The following FZR1 variants were observed in gnomAD, a reference collection of about 807,000 sequenced individuals.
FZR1 encodes the protein fizzy and cell division cycle 20 related 1.
Under a neutral mutation model 63.6 loss-of-function variants are expected in FZR1, and 11 were observed. That is an observed-to-expected ratio of 0.17 (90% CI 0.11 to 0.29). The LOEUF (loss-of-function observed/expected upper bound fraction) is 0.29. Among genes scored for constraint, FZR1 ranks in the 10% least tolerant of loss-of-function variants. The pLI is 1.00. For missense variants in FZR1, 440 were observed against 687.5 expected, an observed-to-expected ratio of 0.64 and a Z score of 4.03; for synonymous variants, 328 against 297.9, an observed-to-expected ratio of 1.10 and a Z score of -1.04.
chr19:3,532,740 G>C (rs1047805704), intron 11 of FZR1, 90 bp downstream of exon 11: 10 of 898,520 alleles, frequency 1.1e-5, no homozygotes, highest in Non-Finnish European at 1.8e-5. Flanking sequence ...CCTGTGGGGA[G>C]ATGGGTCAGA....
At chr19:3,528,342 T>G (rs959433178) in intron 7 of FZR1, among the ~76,000 whole-genome samples, 2 of 152,262 alleles carry the variant, frequency 1.3e-5, no homozygotes, top group East Asian at 1.9e-4. Flanking sequence ...GCGAGTAGTT[T>G]CGGGAGAGCG....
intron 1 of FZR1, among the ~76,000 whole-genome samples, chr19:3,509,437 G>T (rs1441840036): frequency 6.6e-6 from 1 of 152,138 alleles, no homozygotes; most frequent in Non-Finnish European, 1.5e-5. Flanking sequence ...TTCTTCACTG[G>T]CCCTTCTTTC....
rs755622408 is a variant in FZR1 at position 3,531,815 on chromosome 19, C to T, written c.822C>T (p.Val274=). The T allele has an allele frequency of 2.2e-5, 34 of 1,549,872 alleles. No homozygotes were observed. The highest frequency in any genetic ancestry group is 1.3e-4 in the South Asian group (11 of 84,036). ...LSMLEGHTAR[V]GALAWNAEQL... ...TGTTGGAGGGCCACACGGCACGCGT[C>T]GGTGAGGAGCCCGGGTCCCATGGCT... is the stretch of plus-strand genomic sequence containing the variant. The change falls in exon 9 of 14, where the codon GTC becomes GTT. Residue 274 remains valine (V), a splice_region_variant and synonymous_variant. Transcript: ENST00000441788.
At chr19:3,510,332 AC>A (rs2083015779) in intron 1 of FZR1, among the ~76,000 whole-genome samples, 1 of 151,954 alleles carries the variant, frequency 6.6e-6, no homozygotes, top group Non-Finnish European at 1.5e-5. Context: ...ACGGGGTTTT[AC>A]CATGTTGCTC....
chr19:3,520,565 T>G (rs1599778188), intron 1 of FZR1, among the ~76,000 whole-genome samples: 1 of 152,172 alleles, frequency 6.6e-6, no homozygotes, highest in African/African-American at 2.4e-5. Flanking sequence ...GAAAACCCAC[T>G]ACCACAGGAC....
At position 3,514,730 on chromosome 19, in the gene FZR1, T is replaced by C. The variant is rs977769731; in HGVS notation, c.-34-8226T>C. Among the ~76,000 whole-genome samples, 6 of 152,108 alleles carry C rather than the reference T, an allele frequency of 3.9e-5. No homozygotes were observed. Among genetic ancestry groups the C allele is most frequent in the Non-Finnish European group, 7.4e-5 (5 of 67,996 alleles). On this transcript the variant is annotated intron_variant, in intron 1 of 13. Transcript: ENST00000441788. The surrounding 1 kb of genome is among the most constrained non-coding windows in gnomAD (Gnocchi z 4.2). ...TGTGCTGTCTGCCCCATCGGAGGCT[T>C]ATTCTGGTGTCTGGTGTGAGCAGGG...
At chr19:3,528,141 C>T (rs890992379) in intron 7 of FZR1, among the ~76,000 whole-genome samples, 50 of 152,202 alleles carry the variant, frequency 3.3e-4, no homozygotes, top group African/African-American at 1.2e-3. Context: ...CTGTTCAGCT[C>T]TATAGAGAAG....
At chr19:3,523,973 G>T (rs1401314743) in intron 2 of FZR1, among the ~76,000 whole-genome samples, 1 of 152,254 alleles carries the variant, frequency 6.6e-6, no homozygotes, top group Non-Finnish European at 1.5e-5. Flanking sequence ...GGCAGAGCCA[G>T]GGAGGCAGAT....
At position 3,525,443 on chromosome 19, in the gene FZR1, T is replaced by C. The variant is rs1056775532; in HGVS notation, c.70-425T>C. Among the ~76,000 whole-genome samples the C allele has an allele frequency of 1.5e-5, 2 of 135,202 alleles. No homozygotes were observed. Among genetic ancestry groups the C allele is most frequent in the African/African-American group, 5.6e-5 (2 of 35,760 alleles). 88.7% of individuals were successfully genotyped at this position (135,202 alleles called of 152,430 possible). On this transcript the variant is annotated intron_variant, in intron 2 of 13. Coordinates refer to ENST00000441788, the MANE Select transcript of FZR1 (RefSeq NM_016263.4). This position sits in a 1 kb window ranked among gnomAD's most constrained non-coding sequence, Gnocchi z 4.2. ...CCTCCTTGGGTTTTCTTTTTTTTTT[T>C]TTTTTTTTTTTTTTTTTGAGACGGA...
At chr19:3,527,847 G>A in intron 7 of FZR1, 33 bp downstream of exon 7, 1 of 1,551,080 alleles carries the variant, frequency 6.4e-7, no homozygotes, top group Non-Finnish European at 8.9e-7. Flanking sequence ...ATGTGCATGG[G>A]GGCCTCCCCA....
chr19:3,512,644 G>A (rs1184341957), intron 1 of FZR1, among the ~76,000 whole-genome samples: 3 of 152,330 alleles, frequency 2.0e-5, no homozygotes, highest in African/African-American at 7.2e-5. Context: ...GCAGGGCTGA[G>A]GGCCGCGTGT....
intron 1 of FZR1, among the ~76,000 whole-genome samples, chr19:3,519,887 C>T (rs942832973): frequency 1.3e-5 from 2 of 152,126 alleles, no homozygotes; most frequent in Admixed American, 1.3e-4. Context: ...GGCCCCACAC[C>T]CACAGCTCTC....
At chr19:3,527,937 C>T in intron 7 of FZR1, 123 bp downstream of exon 7, 2 of 664,716 alleles carry the variant, frequency 3.0e-6, no homozygotes, top group East Asian at 6.6e-5. Context: ...GCCCTCCTAG[C>T]TGGGGCCTCC....
intron 11 of FZR1, among the ~76,000 whole-genome samples, chr19:3,532,853 T>A (rs1405176915): frequency 6.6e-6 from 1 of 151,932 alleles, no homozygotes; most frequent in Non-Finnish European, 1.5e-5. Flanking sequence ...GGGGCAAGAC[T>A]TGGGGCCTCT....
At chr19:3,506,633 G>C (rs1250847207) in intron 1 of FZR1, among the ~76,000 whole-genome samples, 159 bp downstream of exon 1, 3 of 150,008 alleles carry the variant, frequency 2.0e-5, no homozygotes, top group African/African-American at 7.4e-5. Context: ...CTCCCAGGCC[G>C]AACTAGGCCC....
chr19:3,529,532 G>A (rs1435208795), intron 7 of FZR1, among the ~76,000 whole-genome samples: 2 of 148,710 alleles, frequency 1.3e-5, no homozygotes, highest in Non-Finnish European at 3.0e-5. Context: ...GAGAGTGGAT[G>A]AGAGTGGTTG....
chr19:3,509,848 T>G (rs1394657225), intron 1 of FZR1, among the ~76,000 whole-genome samples: 1 of 152,202 alleles, frequency 6.6e-6, no homozygotes, highest in Non-Finnish European at 1.5e-5. Context: ...TGCGTCTCCT[T>G]ATTCAGTGGA....
In FZR1 at chr19:3,516,767, C is replaced by T. The variant is rs1599775093; in HGVS notation, c.-34-6189C>T. Among the ~76,000 whole-genome samples the T allele has an allele frequency of 6.6e-6, 1 of 152,224 alleles. No homozygotes were observed. Among genetic ancestry groups the T allele is most frequent in the Non-Finnish European group, 1.5e-5 (1 of 68,032 alleles). On this transcript the variant is annotated intron_variant, in intron 1 of 13. Coordinates refer to ENST00000441788, the MANE Select transcript of FZR1 (RefSeq NM_016263.4). This position sits in a 1 kb window ranked among gnomAD's most constrained non-coding sequence, Gnocchi z 6.0. Reference sequence around the variant, plus strand: ...GGTTTTGCCCACCAGCCTTGGGCAGCGTTGAGTGAGTTGTGTGGCCAGTAG... The same window carrying T: ...GGTTTTGCCCACCAGCCTTGGGCAGTGTTGAGTGAGTTGTGTGGCCAGTAG...
chr19:3,519,246 C>T (rs932739987), intron 1 of FZR1, among the ~76,000 whole-genome samples: 17 of 152,236 alleles, frequency 1.1e-4, no homozygotes, highest in Non-Finnish European at 1.8e-4. Context: ...CCCTGCTGCC[C>T]TGCAAGGTGG....
Sources: allele counts gnomAD v4.1 joint callset (sites outside exome capture counted in the v4.1 genomes callset), GRCh38; gene constraint gnomAD v4.1.1; non-coding constraint Gnocchi (gnomAD v3.1); transcripts MANE v1.5; gene names NCBI Gene and HGNC (gene_info 2026-07-23, HGNC 2026-07-21).